The following GYS2 variants were observed in gnomAD, a reference collection of about 807,000 sequenced individuals.
GYS2 encodes glycogen [starch] synthase, liver.
In GYS2, 80 loss-of-function variants were observed where a neutral mutation model predicts 85.6. That is an observed-to-expected ratio of 0.93 (90% CI 0.78 to 1.13). The LOEUF is 1.13. Among genes scored for constraint, GYS2 ranks in the 50% most tolerant of loss-of-function variants. The probability of loss-of-function intolerance (pLI) is 0.00; values close to 1 mark genes in which losing one functional copy is unlikely to be tolerated. For missense variants in GYS2, 881 were observed against 854.9 expected (o/e 1.03, Z -0.38); for synonymous variants, 328 against 300.7 (o/e 1.09, Z -0.94).
intron 11 of GYS2, among the ~76,000 whole-genome samples, chr12:21,553,175 G>C (rs890981784): frequency 1.3e-5 from 2 of 152,166 alleles, no homozygotes. Flanking sequence ...TCAGTCTTCT[G>C]AGTAACTGGG....
intron 5 of GYS2, among the ~76,000 whole-genome samples, chr12:21,564,868 TCATTTGCC>T (rs1944299184): frequency 6.6e-6 from 1 of 152,166 alleles, no homozygotes; most frequent in Admixed American, 6.5e-5. Flanking sequence ...GAATATTAAG[TCATTTGCC>T]CAATGTCAAG....
chr12:21,546,493 TA>T (rs749879849), intron 11 of GYS2, 23 bp from the exon 12 acceptor site: 401 of 1,524,372 alleles, frequency 2.6e-4, no homozygotes, highest in Non-Finnish European at 3.0e-4. Context: ...AATTCTAATT[TA>T]AAAAAAAAGA....
chr12:21,548,830 TG>T (rs1268750944), intron 11 of GYS2, among the ~76,000 whole-genome samples: 1 of 152,116 alleles, frequency 6.6e-6, no homozygotes, highest in Admixed American at 6.6e-5. Context: ...TTTTTTTTGG[TG>T]GGGGGCACGT....
At position 21,563,231 on chromosome 12, in the gene GYS2, T is replaced by C. The variant is rs1381447229; in HGVS notation, c.938A>G (p.Tyr313Cys). ...RIQDFVRGHF[Y>C]GHLDFDLEKT... ...TTTTTAATAAAGAAAATCATACCCATAGAAATGACCTCGAACAAAATCTTG... is the reference window on the plus strand; with the variant it reads ...TTTTTAATAAAGAAAATCATACCCACAGAAATGACCTCGAACAAAATCTTG... Residue 313 changes from tyrosine to cysteine, a missense_variant, in exon 6 of 16, where the codon TAT (tyrosine) becomes TGT (cysteine). Coordinates refer to ENST00000261195, the MANE Select transcript of GYS2 (RefSeq NM_021957.4). 2 of 1,573,730 alleles carry C rather than the reference T, an allele frequency of 1.3e-6. No individual in the cohort carries two copies. The highest frequency in any genetic ancestry group is 1.7e-6 in the Non-Finnish European group (2 of 1,143,302).
chr12:21,582,592 GAGATAGAT>G (rs1555159421), intron 1 of GYS2, among the ~76,000 whole-genome samples: 1 of 128,452 alleles, frequency 7.8e-6, no homozygotes, highest in Non-Finnish European at 1.6e-5. Context: ...GATAGATATA[GAGATAGAT>G]ATAGATATAG....
In GYS2 at chr12:21,563,032, G is replaced by A. The variant is rs374841625; in HGVS notation, c.948C>T (p.Leu316=). 1.1e-4 allele frequency: 176 copies of A among 1,610,336 alleles called. No individual in the cohort carries two copies. Among genetic ancestry groups the A allele is most frequent in the Non-Finnish European group, 1.4e-4 (162 of 1,176,856 alleles). The part of the protein sequence containing the change: ...DFVRGHFYGH[L]DFDLEKTLFL... Reference sequence around the variant, plus strand: ...ACAAAGTCTTTTCAAGATCAAAGTCGAGATGACTAAAACAAAACAAAACCA... The same window carrying A: ...ACAAAGTCTTTTCAAGATCAAAGTCAAGATGACTAAAACAAAACAAAACCA... Residue 316 remains leucine (L), a synonymous_variant, in exon 7 of 16, where the codon CTC becomes CTT. Coordinates refer to ENST00000261195, the MANE Select transcript of GYS2 (RefSeq NM_021957.4).
chr12:21,536,998 C>A lies in GYS2; in HGVS notation c.2068G>T (p.Val690Phe), dbSNP rs148461282. ...NIKSPFSLSH[V>F]PHGKKKLHGE... is the part of the protein sequence containing the mutation. ...TGCAGCTTTTTCTTCCCATGAGGAA[C>A]GTGGCTCAGTGAAAATGGTGACTTG... The change falls in exon 16 of 16, where the codon GTT becomes TTT. Residue 690 changes from valine to phenylalanine, a missense_variant. Val to Phe is a conservative substitution (Grantham distance 50, BLOSUM62 -1). Transcript: ENST00000261195. 195 of 1,613,876 alleles carry A rather than the reference C, an allele frequency of 1.2e-4. No homozygotes were observed. In the African/African-American group the frequency reaches 2.3e-3, roughly 19 times the overall value.
chr12:21,538,319 A>G (rs1943933677), intron 15 of GYS2, among the ~76,000 whole-genome samples: 1 of 152,224 alleles, frequency 6.6e-6, no homozygotes. Context: ...TAGGTGGAAT[A>G]TAAGTCATGT....
At chr12:21,534,532 AGAAG>A (rs1207765536), downstream of GYS2, among the ~76,000 whole-genome samples, 1 of 152,036 alleles carries the variant, frequency 6.6e-6, no homozygotes, top group East Asian at 1.9e-4. Context: ...AAAAAGAAAA[AGAAG>A]GAAAGAAATA....
At chr12:21,539,142 C>T in intron 15 of GYS2, 116 bp downstream of exon 15, 1 of 694,982 alleles carries the variant, frequency 1.4e-6, no homozygotes, top group Non-Finnish European at 2.5e-6. Flanking sequence ...TGGTTTGATT[C>T]AACATTATGA....
intron 5 of GYS2, among the ~76,000 whole-genome samples, chr12:21,568,091 G>A (rs563474021): frequency 6.6e-6 from 1 of 151,956 alleles, no homozygotes; most frequent in South Asian, 2.1e-4. Flanking sequence ...AAAGAAAAAG[G>A]GGTCGAAATC....
chr12:21,560,549 T>C (rs1355739525), intron 7 of GYS2, 57 bp from the exon 8 acceptor site: 4 of 833,482 alleles, frequency 4.8e-6, no homozygotes, highest in Non-Finnish European at 6.4e-6. Context: ...AAAAGTATGA[T>C]AGATGGAACT....
Position 21,575,876 on chromosome 12 carries a change from A to G in GYS2, c.485T>C (p.Phe162Ser). 1 of 1,612,738 alleles carries G rather than the reference A, an allele frequency of 6.2e-7. No individual in the cohort carries two copies. Among genetic ancestry groups the G allele is most frequent in the South Asian group, 1.1e-5 (1 of 91,048 alleles). ...MLIFGSLTAW[F>S]LKEVTDHADG... ...TATAATAAACCATACCTCTTTTAAGAACCAGGCAGTTAAAGATCCAAATAT... is the reference window on the plus strand; with the variant it reads ...TATAATAAACCATACCTCTTTTAAGGACCAGGCAGTTAAAGATCCAAATAT... Residue 162 changes from phenylalanine (F) to serine (S), a missense_variant, in exon 3 of 16, where the codon TTC becomes TCC. Coordinates refer to ENST00000261195, the MANE Select transcript of GYS2 (RefSeq NM_021957.4).
chr12:21,550,857 C>T (rs969990339), intron 11 of GYS2, among the ~76,000 whole-genome samples: 1 of 151,980 alleles, frequency 6.6e-6, no homozygotes, highest in African/African-American at 2.4e-5. Context: ...AGGAGAATCG[C>T]CTTGAACCTG....
intron 1 of GYS2, among the ~76,000 whole-genome samples, chr12:21,593,741 A>T (rs1199645238): frequency 6.6e-6 from 1 of 152,118 alleles, no homozygotes; most frequent in Non-Finnish European, 1.5e-5. Context: ...AACAGGAAGG[A>T]ATTCTCCCTA....
At chr12:21,547,914 T>C (rs1293208789) in intron 11 of GYS2, among the ~76,000 whole-genome samples, 3 of 152,198 alleles carry the variant, frequency 2.0e-5, no homozygotes, top group Non-Finnish European at 2.9e-5. Flanking sequence ...CCTAAAACTG[T>C]TCTAAAAAGC....
At chr12:21,548,130 AC>A (rs1188595166) in intron 11 of GYS2, among the ~76,000 whole-genome samples, 1 of 152,150 alleles carries the variant, frequency 6.6e-6, no homozygotes, top group African/African-American at 2.4e-5. Context: ...AATAACAGAG[AC>A]ATTTGTTGGA....
intron 7 of GYS2, among the ~76,000 whole-genome samples, chr12:21,561,178 C>T (rs1944248761): frequency 6.6e-6 from 1 of 152,006 alleles, no homozygotes; most frequent in African/African-American, 2.4e-5. Context: ...TTATTAATGT[C>T]AAAAGAAAGG....
At position 21,604,611 on chromosome 12, in the gene GYS2, A is replaced by G; in HGVS notation, c.-19T>C. On this transcript the variant is annotated 5_prime_UTR_variant, in exon 1 of 16. Transcript: ENST00000261195. ...GAAGCATTCTTCTTACAGTCCTCCG[A>G]GACTCCTTTGAATTCCTGTTTCAAT... The G allele has an allele frequency of 6.2e-7, 1 of 1,612,014 alleles. No individual in the cohort carries two copies. The highest frequency in any genetic ancestry group is 8.5e-7 in the Non-Finnish European group (1 of 1,178,510).
Sources: gnomAD v4.1 joint callset for allele counts (sites outside exome capture counted in the v4.1 genomes callset) on GRCh38, gnomAD v4.1.1 for gene constraint, MANE v1.5 for transcripts, NCBI Gene and HGNC (gene_info 2026-07-23, HGNC 2026-07-21) for gene names.